MBD5: variants seen among roughly 807,000 people sequenced by gnomAD.
The protein encoded by MBD5 is methyl-CpG binding domain protein 5.
A neutral mutation model predicts 117.3 loss-of-function variants in MBD5; 13 were observed. The observed-to-expected ratio is 0.11, with a 90% CI of 0.07 to 0.18. The LOEUF is 0.18. Ranked by LOEUF, MBD5 falls within the 10% of genes least tolerant of loss-of-function variation. MBD5 has a pLI of 1.00. For missense variants in MBD5, 1,879 were observed against 2,093.8 expected (o/e 0.90, Z 2.00); for synonymous variants, 727 against 766.4 (o/e 0.95, Z 0.85).
chr2:148,229,902 GTCTC>G (rs1366381819), intron 2 of MBD5, among the ~76,000 whole-genome samples: 1 of 151,776 alleles, frequency 6.6e-6, no homozygotes. Context: ...CTCTGTCTCT[GTCTC>G]TCTCTCTCTG....
In MBD5 at chr2:148,306,890, T is replaced by A. The variant is rs1701908170; in HGVS notation, c.-679-35324T>A. ...GAATGTCATACAATTTCTGGAATAT[T>A]TATATCAATGACATATACTCATAGA... is the stretch of plus-strand genomic sequence containing the variant. On this transcript the variant is annotated intron_variant, in intron 3 of 13. Coordinates refer to ENST00000642680, the MANE Select transcript of MBD5 (RefSeq NM_001378120.1). Among the ~76,000 whole-genome samples, 6 of 152,320 alleles carry A rather than the reference T, an allele frequency of 3.9e-5. No individual in the cohort carries two copies. In the South Asian group the frequency reaches 1.0e-3, roughly 26 times the overall value.
At chr2:148,314,360 A>G (rs1175681031) in intron 3 of MBD5, among the ~76,000 whole-genome samples, 1 of 143,772 alleles carries the variant, frequency 7.0e-6, no homozygotes, top group Admixed American at 7.3e-5. Flanking sequence ...TCAGCAATTA[A>G]TGTTTCAGTG....
At chr2:148,164,873 C>T (rs749223486) in intron 1 of MBD5, among the ~76,000 whole-genome samples, 10 of 152,038 alleles carry the variant, frequency 6.6e-5, no homozygotes, top group Non-Finnish European at 1.5e-4. Context: ...GGCCTTCTTG[C>T]CTTTATTATT....
chr2:148,114,501 T>A (rs1485501076), intron 1 of MBD5, among the ~76,000 whole-genome samples: 1 of 152,044 alleles, frequency 6.6e-6, no homozygotes, highest in Non-Finnish European at 1.5e-5. Flanking sequence ...AATTTTAAAA[T>A]TTTTCATCCA....
intron 2 of MBD5, among the ~76,000 whole-genome samples, chr2:148,186,328 T>C (rs1403120378): frequency 6.6e-6 from 1 of 152,214 alleles, no homozygotes; most frequent in Non-Finnish European, 1.5e-5. Flanking sequence ...TCCCCAGCCA[T>C]GTAGCACTGT....
intron 4 of MBD5, among the ~76,000 whole-genome samples, chr2:148,355,425 A>C (rs1015877795): frequency 3.3e-5 from 5 of 151,370 alleles, no homozygotes; most frequent in African/African-American, 1.2e-4. Context: ...TTTTACATTT[A>C]AGTCTTTAAT....
At chr2:148,294,507 T>TTTTTTTTGTTTTTTTTTTTTTTTGTTTG (rs1218239671) in intron 3 of MBD5, among the ~76,000 whole-genome samples, 1 of 124,216 alleles carries the variant, frequency 8.1e-6, no homozygotes. Context: ...TACAGTTTTT[T>TTTTTTTTGTTTTTTTTTTTTTTTGTTTG]TTTTTTTTTT....
chr2:148,463,693 A>G (rs1216797090), intron 6 of MBD5, 46 bp from the exon 7 acceptor site: 1 of 1,598,144 alleles, frequency 6.3e-7, no homozygotes, highest in Admixed American at 1.7e-5. Flanking sequence ...CTTTTTATTA[A>G]ATGTTTTTAC....
At chr2:148,313,141 T>C (rs1702073233) in intron 3 of MBD5, among the ~76,000 whole-genome samples, 1 of 152,090 alleles carries the variant, frequency 6.6e-6, no homozygotes, top group South Asian at 2.1e-4. Flanking sequence ...AGGGACCCAT[T>C]TGAGGAGGCA....
At chr2:148,130,134 T>G (rs1199565395) in intron 1 of MBD5, among the ~76,000 whole-genome samples, 2 of 152,182 alleles carry the variant, frequency 1.3e-5, no homozygotes, top group Non-Finnish European at 2.9e-5. Context: ...AAATAATAGC[T>G]TCAAGCCCAT....
chr2:148,343,959 T>A (rs1703017430), intron 4 of MBD5, among the ~76,000 whole-genome samples: 1 of 152,110 alleles, frequency 6.6e-6, no homozygotes, highest in South Asian at 2.1e-4. Context: ...ATTGAAATCT[T>A]TAATCCATTT....
At chr2:148,101,971 TAA>T (rs1210073533) in intron 1 of MBD5, among the ~76,000 whole-genome samples, 1 of 152,210 alleles carries the variant, frequency 6.6e-6, no homozygotes, top group Non-Finnish European at 1.5e-5. Flanking sequence ...TATTTAGCCA[TAA>T]GTCTCAAATT....
chr2:148,508,574 G>A (rs972985734), intron 12 of MBD5, among the ~76,000 whole-genome samples: 9 of 151,934 alleles, frequency 5.9e-5, no homozygotes, highest in African/African-American at 1.9e-4. Context: ...TCCTTCCAGC[G>A]GGGGAATATA....
chr2:148,322,266 C>T (rs1702302427), intron 3 of MBD5, among the ~76,000 whole-genome samples: 2 of 152,172 alleles, frequency 1.3e-5, no homozygotes, highest in Non-Finnish European at 2.9e-5. Context: ...AAGCTTTTAG[C>T]TTCATTTATA....
chr2:148,495,389 G>A (rs1345452719), intron 11 of MBD5, among the ~76,000 whole-genome samples: 1 of 152,082 alleles, frequency 6.6e-6, no homozygotes, highest in African/African-American at 2.4e-5. Context: ...TAAAAGGGTT[G>A]CCTCTCAAGC....
intron 4 of MBD5, among the ~76,000 whole-genome samples, chr2:148,450,975 C>T (rs897364885): frequency 6.6e-6 from 1 of 152,162 alleles, no homozygotes; most frequent in Non-Finnish European, 1.5e-5. Flanking sequence ...GCCTGTCTCT[C>T]TGTACCTTGA....
At chr2:148,480,927 G>A (rs1356937436) in intron 8 of MBD5, among the ~76,000 whole-genome samples, 2 of 152,050 alleles carry the variant, frequency 1.3e-5, no homozygotes, top group Non-Finnish European at 2.9e-5. Flanking sequence ...CCTTGCTATA[G>A]GGATGTTCTG....
At chr2:148,383,650 C>CA (rs141039307) in intron 4 of MBD5, among the ~76,000 whole-genome samples, 73 of 149,230 alleles carry the variant, frequency 4.9e-4, no homozygotes, top group Admixed American at 2.9e-3. Context: ...AGAGACAAAA[C>CA]AAAAAAAAAA....
In MBD5 at chr2:148,469,771, G is replaced by T. The variant is rs142495834; in HGVS notation, c.1828G>T (p.Gly610Cys). The change falls in exon 8 of 14, where the codon GGC becomes TGC. Residue 610 changes from glycine to cysteine, a missense_variant. This residue lies in a region of MBD5 where 1,666 missense variants were observed against 1,792.2 expected (regional missense o/e 0.93). Transcript: ENST00000642680. Reference sequence around the variant, plus strand: ...CAGTAGCAATTCTGGAGCTGTTGCCGGCAGTGGCAACACTGAAGGACATAG... The same window carrying T: ...CAGTAGCAATTCTGGAGCTGTTGCCTGCAGTGGCAACACTGAAGGACATAG... Reference protein sequence around the residue: ...SSSSNSGAVAGSGNTEGHSTL... With the variant: ...SSSSNSGAVACSGNTEGHSTL... The T allele has an allele frequency of 3.7e-6, 6 of 1,613,918 alleles. No individual in the cohort carries two copies. The highest frequency in any genetic ancestry group is 8.5e-7 in the Non-Finnish European group (1 of 1,179,876).
Sources: gnomAD v4.1 joint callset for allele counts (sites outside exome capture counted in the v4.1 genomes callset) on GRCh38, gnomAD v4.1.1 for gene constraint, gnomAD v4.1.1 regional missense constraint, MANE v1.5 for transcripts, NCBI Gene and HGNC (gene_info 2026-07-23, HGNC 2026-07-21) for gene names.